TMTC1: variants seen among roughly 807,000 people sequenced by gnomAD.
TMTC1 encodes transmembrane O-mannosyltransferase targeting cadherins 1, also known as protein O-mannosyl-transferase TMTC1.
Under a neutral mutation model 104.8 loss-of-function variants are expected in TMTC1, and 73 were observed. The observed-to-expected ratio is 0.70, with a 90% CI of 0.58 to 0.85. TMTC1 has a LOEUF of 0.85. TMTC1 is among the 40% of genes least tolerant of loss of function. The pLI, the probability that TMTC1 is intolerant of heterozygous loss-of-function variation, is 0.00. For missense variants in TMTC1, 1,035 were observed against 1,096.1 expected (o/e 0.94, Z 0.79); for synonymous variants, 434 against 428.7 (o/e 1.01, Z -0.15).
At chr12:29,544,502 C>T (rs76361075) in intron 10 of TMTC1, among the ~76,000 whole-genome samples, 9,792 of 152,124 alleles carry the variant, frequency 0.064, 1,079 homozygotes, top group African/African-American at 0.22. Context: ...TCCTGAGTTC[C>T]TCTCCTTTGT....
chr12:29,623,921 C>A (rs939184198), intron 6 of TMTC1, among the ~76,000 whole-genome samples: 1 of 152,016 alleles, frequency 6.6e-6, no homozygotes, highest in Admixed American at 6.6e-5. Flanking sequence ...TCCTTCAGTC[C>A]CCACCTCCTG....
chr12:29,613,733 C>T (rs1011111222), intron 6 of TMTC1, among the ~76,000 whole-genome samples: 2 of 152,138 alleles, frequency 1.3e-5, no homozygotes, highest in African/African-American at 2.4e-5. Context: ...TTTGTTCCTA[C>T]GAAAATAGGA....
rs199621340 is a variant in TMTC1, at chr12:29,572,180, T to C, written c.1457A>G (p.His486Arg). 3.8e-5 allele frequency: 62 copies of C among 1,613,886 alleles called. No individual in the cohort carries two copies. In the South Asian group the frequency reaches 6.6e-4, roughly 17 times the overall value. Residue 486 changes from histidine (H) to arginine (R), a missense_variant, in exon 9 of 18, where the codon CAC becomes CGC. Coordinates refer to ENST00000539277, the MANE Select transcript of TMTC1 (RefSeq NM_001193451.2). ...CTTCAGGAAATTGGCATAGTTGTAG[T>C]GAACCTTGGCATTGTGGGGCAGAGT... ...VQTLPHNAKV[H>R]YNYANFLKDQ...
At chr12:29,646,025 G>C (rs570482973) in intron 5 of TMTC1, among the ~76,000 whole-genome samples, 1 of 152,272 alleles carries the variant, frequency 6.6e-6, no homozygotes, top group South Asian at 2.1e-4. Context: ...ATATGACAGA[G>C]TTTTCTGGCT....
intron 11 of TMTC1, chr12:29,535,392 T>C (rs930889564): frequency 1.3e-5 from 2 of 152,200 alleles, no homozygotes; most frequent in Non-Finnish European, 1.5e-5. Flanking sequence ...TAAATATTCA[T>C]AGAATGACCT....
chr12:29,630,484 A>G (rs1218737580), intron 6 of TMTC1, among the ~76,000 whole-genome samples: 1 of 152,102 alleles, frequency 6.6e-6, no homozygotes, highest in Non-Finnish European at 1.5e-5. Context: ...ACATGTGGGG[A>G]TTATGGGAAC....
At chr12:29,668,402 G>A (rs1207554100) in intron 5 of TMTC1, among the ~76,000 whole-genome samples, 2 of 147,544 alleles carry the variant, frequency 1.4e-5, no homozygotes, top group Non-Finnish European at 3.0e-5. Context: ...TGGGGATTAA[G>A]TTTCAATGCA....
chr12:29,506,957 A>G lies in TMTC1; in HGVS notation c.2538T>C (p.Tyr846=). 1 of 1,613,846 alleles carries G rather than the reference A, an allele frequency of 6.2e-7. No individual in the cohort carries two copies. Among genetic ancestry groups the G allele is most frequent in the Non-Finnish European group, 8.5e-7 (1 of 1,179,698 alleles). The change falls in exon 18 of 18, where the codon TAT becomes TAC. Residue 846 remains tyrosine (Y), a synonymous_variant. Transcript: ENST00000539277. The part of the protein sequence containing the change: ...KGKYVSARAY[Y]ERALQLVPDS... ...CTGGAACCAGCTGTAAGGCTCTCTC[A>G]TAATAAGCTCTTGCAGACACATATT...
At chr12:29,568,718 A>C (rs991053814) in intron 9 of TMTC1, 12 of 318,608 alleles carry the variant, frequency 3.8e-5, no homozygotes, top group Non-Finnish European at 6.9e-5. Flanking sequence ...ACACATGGCC[A>C]AGTACACATC....
intron 10 of TMTC1, among the ~76,000 whole-genome samples, chr12:29,551,556 G>A (rs1486209787): frequency 6.6e-6 from 1 of 152,050 alleles, no homozygotes; most frequent in Non-Finnish European, 1.5e-5. Flanking sequence ...TCTATTATGT[G>A]AACAAAAGGT....
intron 5 of TMTC1, among the ~76,000 whole-genome samples, chr12:29,639,343 C>T (rs1938720740): frequency 6.6e-6 from 1 of 152,130 alleles, no homozygotes; most frequent in Non-Finnish European, 1.5e-5. Flanking sequence ...GGAGATAGTC[C>T]AGGCAGGGCC....
At chr12:29,629,407 G>C (rs1938180902) in intron 6 of TMTC1, among the ~76,000 whole-genome samples, 1 of 151,994 alleles carries the variant, frequency 6.6e-6, no homozygotes, top group Non-Finnish European at 1.5e-5. Context: ...GCCAATGTAT[G>C]TTTTACATGT....
At chr12:29,774,315 T>C (rs1943659675) in intron 1 of TMTC1, among the ~76,000 whole-genome samples, 1 of 152,088 alleles carries the variant, frequency 6.6e-6, no homozygotes, top group South Asian at 2.1e-4. Context: ...CAAAGTCAGG[T>C]GATACTCAGA....
chr12:29,550,908 T>G (rs1371734669), intron 10 of TMTC1, among the ~76,000 whole-genome samples: 5 of 106,020 alleles, frequency 4.7e-5, no homozygotes, highest in African/African-American at 7.5e-5. Flanking sequence ...CACTCCAGCC[T>G]GGGGGAGAGA....
intron 1 of TMTC1, among the ~76,000 whole-genome samples, chr12:29,780,223 A>T (rs1269128228): frequency 3.9e-5 from 6 of 152,246 alleles, no homozygotes; most frequent in Non-Finnish European, 8.8e-5. Flanking sequence ...GCTTTATCCC[A>T]GCCAAAAGTT....
intron 5 of TMTC1, among the ~76,000 whole-genome samples, chr12:29,675,439 T>C (rs1418479289): frequency 6.6e-6 from 1 of 152,154 alleles, no homozygotes; most frequent in Non-Finnish European, 1.5e-5. Context: ...CCTTCAGTAC[T>C]AAAACTGGGA....
At chr12:29,507,087 T>G in intron 17 of TMTC1, 101 bp from the exon 18 acceptor site, 1 of 970,514 alleles carries the variant, frequency 1.0e-6, no homozygotes. Flanking sequence ...AGTTTTACAT[T>G]AATGTTCTCA....
intron 5 of TMTC1, among the ~76,000 whole-genome samples, chr12:29,643,596 A>C (rs1191281512): frequency 1.6e-4 from 6 of 38,454 alleles, no homozygotes; most frequent in Non-Finnish European, 2.5e-4. Context: ...ATAAATATAT[A>C]TTATATATTA....
rs570818299 is a variant in TMTC1, at chr12:29,748,048, A to AT, written c.938+3617_938+3618insA. On this transcript the variant is annotated intron_variant, in intron 5 of 17. Coordinates refer to ENST00000539277, the MANE Select transcript of TMTC1 (RefSeq NM_001193451.2). ...TCAAAAGTAATTGTAACAGTAATCA[A>AT]ATATATACTCAAAGGTATGACACTG... is the stretch of plus-strand genomic sequence containing the variant. Among the ~76,000 whole-genome samples, 557 of 152,324 alleles carry AT rather than the reference A, an allele frequency of 3.7e-3. 8 individuals are homozygous for AT. Among genetic ancestry groups the AT allele is most frequent in the African/African-American group, 0.012 (488 of 41,572 alleles).
Sources: gnomAD v4.1 joint callset for allele counts (sites outside exome capture counted in the v4.1 genomes callset) on GRCh38, gnomAD v4.1.1 for gene constraint, MANE v1.5 for transcripts, NCBI Gene and HGNC (gene_info 2026-07-23, HGNC 2026-07-21) for gene names.